The following CUL2 variants were observed in gnomAD, a reference collection of about 807,000 sequenced individuals.
CUL2 encodes the protein cullin 2, also known as cullin-2.
A neutral mutation model predicts 110.2 loss-of-function variants in CUL2; 22 were observed. The ratio of observed to expected loss-of-function variants is 0.20; its 90% confidence interval spans 0.14 to 0.28. CUL2 has a LOEUF of 0.28. Among genes scored for constraint, CUL2 ranks in the 10% least tolerant of loss-of-function variants. The pLI is 1.00. For synonymous variants in CUL2, 279 were observed against 293.2 expected, an observed-to-expected ratio of 0.95 and a Z score of 0.49; for missense variants, 631 against 905.5, an observed-to-expected ratio of 0.70 and a Z score of 3.89.
At position 35,034,819 on chromosome 10, in the gene CUL2, A is replaced by AT. The variant is rs373279691; in HGVS notation, c.1002+352dup. Among the ~76,000 whole-genome samples, 923 of 152,336 alleles carry AT rather than the reference A, an allele frequency of 6.1e-3. 10 individuals carry two copies. Among genetic ancestry groups the AT allele is most frequent in the African/African-American group, 0.021 (875 of 41,566 alleles). ...AAAGGAGGCAAATTGCAAGTCGTCT[A>AT]TATTACCACTGATTAATACTACTAC... is the stretch of plus-strand genomic sequence containing the variant. On this transcript the variant is annotated intron_variant, in intron 10 of 20. Coordinates refer to ENST00000374749, the MANE Select transcript of CUL2 (RefSeq NM_003591.4).
At chr10:35,122,970 T>C (rs756814511) in intron 1 of CUL2, among the ~76,000 whole-genome samples, 8 of 152,086 alleles carry the variant, frequency 5.3e-5, no homozygotes, top group Non-Finnish European at 8.8e-5. Flanking sequence ...AACCCATCTA[T>C]ATAAAAAAAT....
intron 1 of CUL2, among the ~76,000 whole-genome samples, chr10:35,079,065 T>A (rs1317073610): frequency 6.6e-6 from 1 of 152,158 alleles, no homozygotes; most frequent in Non-Finnish European, 1.5e-5. Flanking sequence ...CGTTTCAAGA[T>A]CCCCAGGAAT....
intron 3 of CUL2, among the ~76,000 whole-genome samples, chr10:35,062,046 C>A (rs375660054): frequency 2.0e-5 from 3 of 152,074 alleles, no homozygotes; most frequent in East Asian, 3.8e-4. Flanking sequence ...GTGAGTTGCC[C>A]GTGGTTACAA....
At chr10:35,104,649 G>A (rs537651852) in intron 1 of CUL2, among the ~76,000 whole-genome samples, 1 of 152,106 alleles carries the variant, frequency 6.6e-6, no homozygotes, top group East Asian at 1.9e-4. Flanking sequence ...ATAAATTAAT[G>A]GCAAATTAAT....
chr10:35,049,382 TAAGA>T (rs1314869602), intron 6 of CUL2, among the ~76,000 whole-genome samples: 1 of 152,086 alleles, frequency 6.6e-6, no homozygotes, highest in African/African-American at 2.4e-5. Flanking sequence ...CTAGAAAGTC[TAAGA>T]GTTTTCAGCT....
chr10:35,073,674 G>A (rs56919928), intron 1 of CUL2, among the ~76,000 whole-genome samples: 20,348 of 149,584 alleles, frequency 0.14, 1,549 homozygotes, highest in South Asian at 0.2. Context: ...GCGCAATCTC[G>A]GCTCACTGCA....
At position 35,044,787 on chromosome 10, in the gene CUL2, T is replaced by C. The variant is rs2085892326; in HGVS notation, c.588A>G (p.Lys196=). 6.2e-7 allele frequency: 1 copy of C among 1,611,446 alleles called. No homozygotes were observed. The highest frequency in any genetic ancestry group is 8.5e-7 in the Non-Finnish European group (1 of 1,179,096). ...NSFVHVEQYK[K]KFPLKFYQEI... ...GGCTGTTTACCTTTAAGGGGAATTT[T>C]TTCTTATACTGTTCAACATGAACAA... The change falls in exon 7 of 21, where the codon AAA becomes AAG. Residue 196 remains lysine, a synonymous_variant. Coordinates refer to ENST00000374749, the MANE Select transcript of CUL2 (RefSeq NM_003591.4).
intron 1 of CUL2, among the ~76,000 whole-genome samples, chr10:35,073,871 G>A (rs1410763300): frequency 6.6e-6 from 1 of 152,120 alleles, no homozygotes; most frequent in Non-Finnish European, 1.5e-5. Flanking sequence ...CTCCCAAAGT[G>A]CTAGGGTTAC....
intron 8 of CUL2, among the ~76,000 whole-genome samples, chr10:35,041,398 G>C (rs2085783934): frequency 6.6e-6 from 1 of 152,120 alleles, no homozygotes. Context: ...GGAAAGAAAG[G>C]CCAAAGCTAT....
At chr10:35,048,446 G>C (rs962199974) in intron 6 of CUL2, among the ~76,000 whole-genome samples, 6 of 151,958 alleles carry the variant, frequency 3.9e-5, no homozygotes, top group African/African-American at 1.2e-4. Context: ...ACTAGGTTGG[G>C]ACAAAATTAT....
chr10:35,020,911 A>T (rs1409808537), intron 17 of CUL2, among the ~76,000 whole-genome samples: 1 of 147,100 alleles, frequency 6.8e-6, no homozygotes, highest in African/African-American at 2.5e-5. Context: ...CACTCTCAAC[A>T]CTCTCCTTTA....
At chr10:35,111,680 G>A (rs1186713961) in intron 1 of CUL2, among the ~76,000 whole-genome samples, 3 of 152,170 alleles carry the variant, frequency 2.0e-5, no homozygotes, top group Non-Finnish European at 2.9e-5. Flanking sequence ...TTGAGGTCAG[G>A]AGTTCCAGAC....
intron 2 of CUL2, among the ~76,000 whole-genome samples, chr10:35,095,716 A>G (rs1297336673): frequency 3.3e-5 from 5 of 151,868 alleles, no homozygotes; most frequent in African/African-American, 9.7e-5. Context: ...ATGCCAATAC[A>G]CCCAGCGAAT....
chr10:35,069,360 G>T (rs1173918153), intron 2 of CUL2, among the ~76,000 whole-genome samples: 1 of 151,926 alleles, frequency 6.6e-6, no homozygotes, highest in African/African-American at 2.4e-5. Context: ...GCAACATAGT[G>T]AGAACTCACC....
At chr10:35,114,112 C>CG (rs2087559483) in intron 1 of CUL2, among the ~76,000 whole-genome samples, 1 of 150,082 alleles carries the variant, frequency 6.7e-6, no homozygotes, top group Middle Eastern at 3.5e-3. Context: ...TTAGTTGAGA[C>CG]GGGGTTTCAC....
chr10:35,095,390 A>T (rs1230851854), upstream of CUL2, among the ~76,000 whole-genome samples: 5 of 152,102 alleles, frequency 3.3e-5, no homozygotes, highest in South Asian at 8.3e-4. Flanking sequence ...ACAGAAATAG[A>T]GAATCATGTT....
intron 8 of CUL2, among the ~76,000 whole-genome samples, chr10:35,040,351 AAAC>A (rs1053717748): frequency 2.2e-4 from 33 of 152,330 alleles, no homozygotes; most frequent in African/African-American, 7.7e-4. Context: ...TCTCAAGACA[AAAC>A]AACAACATAT....
chr10:35,118,735 G>C (rs1049472602), intron 1 of CUL2: 2 of 152,218 alleles, frequency 1.3e-5, no homozygotes, highest in African/African-American at 4.8e-5. Flanking sequence ...TGGCGATCAT[G>C]TCTACCTGAG....
Position 35,107,135 on chromosome 10 carries a change from C to T in CUL2, c.-50-6075G>A, listed in dbSNP as rs550322336. Among the ~76,000 whole-genome samples the T allele has an allele frequency of 6.6e-5, 10 of 152,030 alleles. No homozygotes were observed. The South Asian group carries it at 1.0e-3, about 16-fold the overall frequency. Reference sequence around the variant, plus strand: ...GACTACATGCGCCCACCACCGTGCCCGGCTAATTTTTTGTATTTTCAGTAG... The same window carrying T: ...GACTACATGCGCCCACCACCGTGCCTGGCTAATTTTTTGTATTTTCAGTAG... On this transcript the variant is annotated intron_variant, in intron 1 of 5. Coordinates refer to the CUL2 transcript ENST00000685421.
Sources: allele counts gnomAD v4.1 joint callset (sites outside exome capture counted in the v4.1 genomes callset), GRCh38; gene constraint gnomAD v4.1.1; transcripts MANE v1.5; gene names NCBI Gene and HGNC (gene_info 2026-07-23, HGNC 2026-07-21).